EYA1: variants seen among roughly 807,000 people sequenced by gnomAD.
EYA1 encodes protein phosphatase EYA1.
Under a neutral mutation model 82.0 loss-of-function variants are expected in EYA1, and 16 were observed. That is an observed-to-expected ratio of 0.20 (90% confidence interval 0.13 to 0.30). The LOEUF is 0.30. EYA1 is among the 10% of genes least tolerant of loss of function. The pLI, the probability that EYA1 is intolerant of heterozygous loss-of-function variation, is 1.00. For synonymous variants in EYA1, 261 were observed against 264.4 expected (o/e 0.99, Z 0.12); for missense variants, 633 against 730.7 (o/e 0.87, Z 1.54).
chr8:71,280,718 TA>T (rs1817717268), intron 9 of EYA1, among the ~76,000 whole-genome samples: 1 of 152,222 alleles, frequency 6.6e-6, no homozygotes, highest in African/African-American at 2.4e-5. Context: ...TTTTTTCCGA[TA>T]AAAGGAGAAC....
At chr8:71,435,178 A>T (rs943995279) in intron 2 of EYA1, among the ~76,000 whole-genome samples, 1 of 152,002 alleles carries the variant, frequency 6.6e-6, no homozygotes, top group African/African-American at 2.4e-5. Flanking sequence ...TCTTCTCTGG[A>T]CTCACTCCAT....
intron 2 of EYA1, among the ~76,000 whole-genome samples, chr8:71,488,262 T>C (rs1464737981): frequency 6.6e-6 from 1 of 151,662 alleles, no homozygotes; most frequent in Non-Finnish European, 1.5e-5. Flanking sequence ...ATATATGATA[T>C]AAAGGATAAA....
chr8:71,230,683 A>C (rs1327835539), intron 12 of EYA1, among the ~76,000 whole-genome samples: 1 of 152,234 alleles, frequency 6.6e-6, no homozygotes, highest in African/African-American at 2.4e-5. Context: ...CCAACAGAAT[A>C]GAGAAACTAT....
intron 4 of EYA1, among the ~76,000 whole-genome samples, chr8:71,333,713 G>A (rs1041814859): frequency 1.3e-5 from 2 of 152,182 alleles, no homozygotes; most frequent in South Asian, 2.1e-4. Flanking sequence ...ATGACTTGGC[G>A]AGTCTGCTTA....
At chr8:71,252,043 A>G (rs1813809250) in intron 11 of EYA1, among the ~76,000 whole-genome samples, 1 of 152,090 alleles carries the variant, frequency 6.6e-6, no homozygotes, top group Non-Finnish European at 1.5e-5. Context: ...ATATAAATGC[A>G]TGTGTGTACT....
intron 2 of EYA1, among the ~76,000 whole-genome samples, chr8:71,407,028 A>AGAAC (rs1427513606): frequency 1.7e-5 from 2 of 120,732 alleles, no homozygotes; most frequent in East Asian, 4.0e-4. Flanking sequence ...TGGAGATCTG[A>AGAAC]GAACGGGCAG....
chr8:71,432,058 A>G lies in EYA1; in HGVS notation c.34-75547T>C, dbSNP rs77769299. Among the ~76,000 whole-genome samples, 801 of 152,314 alleles carry G rather than the reference A, an allele frequency of 5.3e-3. 7 individuals are homozygous for G. Among genetic ancestry groups the G allele is most frequent in the African/African-American group, 0.019 (775 of 41,572 alleles). ...AAGATTTTCAAGATTTTCCTTAGCT[A>G]TCACTGGAATGTCTCTTAGTTGCTT... On this transcript the variant is annotated intron_variant, in intron 2 of 18. Coordinates refer to the EYA1 transcript ENST00000643681.
intron 6 of EYA1, among the ~76,000 whole-genome samples, chr8:71,321,520 G>A (rs1822543823): frequency 1.3e-5 from 2 of 152,142 alleles, no homozygotes; most frequent in African/African-American, 2.4e-5. Flanking sequence ...GAAGGCATAC[G>A]AACCACATAA....
chr8:71,456,006 C>A (rs915379470), intron 2 of EYA1, among the ~76,000 whole-genome samples: 1 of 152,144 alleles, frequency 6.6e-6, no homozygotes, highest in East Asian at 1.9e-4. Flanking sequence ...ATGTAGAAAA[C>A]CCCATTATCT....
At chr8:71,250,931 T>C (rs1813676563) in intron 11 of EYA1, among the ~76,000 whole-genome samples, 1 of 152,202 alleles carries the variant, frequency 6.6e-6, no homozygotes, top group South Asian at 2.1e-4. Context: ...GTGTTGTCAG[T>C]GAAAAAACAA....
chr8:71,428,437 A>G (rs1423368917), intron 2 of EYA1, among the ~76,000 whole-genome samples: 1 of 152,226 alleles, frequency 6.6e-6, no homozygotes, highest in African/African-American at 2.4e-5. Flanking sequence ...CTTCCATTAT[A>G]CCAAAAAATT....
intron 4 of EYA1, among the ~76,000 whole-genome samples, chr8:71,324,677 T>A (rs979097321): frequency 6.6e-6 from 1 of 152,190 alleles, no homozygotes; most frequent in Non-Finnish European, 1.5e-5. Context: ...AAGTAACGTA[T>A]CTAAGCAAAT....
At chr8:71,200,630 A>G (rs1269649868) in intron 17 of EYA1, among the ~76,000 whole-genome samples, 1 of 152,158 alleles carries the variant, frequency 6.6e-6, no homozygotes, top group Non-Finnish European at 1.5e-5. Flanking sequence ...TTCTAGAAGG[A>G]TGCTCCTCTT....
chr8:71,281,397 AC>A (rs1208058071), intron 9 of EYA1, among the ~76,000 whole-genome samples: 1 of 152,320 alleles, frequency 6.6e-6, no homozygotes, highest in East Asian at 1.9e-4. Context: ...AAGAGATACC[AC>A]TAGTGAACAT....
At chr8:71,490,640 G>A (rs996526811) in intron 2 of EYA1, among the ~76,000 whole-genome samples, 6 of 151,978 alleles carry the variant, frequency 3.9e-5, no homozygotes, top group Non-Finnish European at 8.8e-5. Flanking sequence ...ATTATTTAGG[G>A]AGCTTACAAG....
intron 2 of EYA1, among the ~76,000 whole-genome samples, chr8:71,452,305 A>G (rs1807456455): frequency 1.3e-5 from 2 of 152,232 alleles, no homozygotes; most frequent in African/African-American, 2.4e-5. Flanking sequence ...CCACAGCTCA[A>G]GGAGGCCTGC....
chr8:71,495,164 C>T (rs1586829524), intron 2 of EYA1, among the ~76,000 whole-genome samples: 1 of 152,158 alleles, frequency 6.6e-6, no homozygotes, highest in Admixed American at 6.5e-5. Flanking sequence ...CATAAAATTT[C>T]CTGCTATAAA....
At chr8:71,346,452 A>ATATATATATG (rs1011248214) in intron 3 of EYA1, among the ~76,000 whole-genome samples, 62 of 134,632 alleles carry the variant, frequency 4.6e-4, no homozygotes, top group African/African-American at 1.8e-3. Context: ...ATATATATAT[A>ATATATATATG]TATCTATATA....
At chr8:71,357,481 G>A (rs541688911) in intron 1 of EYA1, among the ~76,000 whole-genome samples, 3 of 152,334 alleles carry the variant, frequency 2.0e-5, no homozygotes, top group East Asian at 1.9e-4. Context: ...TCAGGCTAAC[G>A]CCTCAGTAGG....
Sources: gnomAD v4.1 joint callset for allele counts (sites outside exome capture counted in the v4.1 genomes callset) on GRCh38, gnomAD v4.1.1 for gene constraint, MANE v1.5 for transcripts, NCBI Gene and HGNC (gene_info 2026-07-23, HGNC 2026-07-21) for gene names.